SCMH1: variants seen among roughly 807,000 people sequenced by gnomAD.
The protein encoded by SCMH1 is polycomb protein SCMH1.
A neutral mutation model predicts 70.8 loss-of-function variants in SCMH1; 37 were observed. The ratio of observed to expected loss-of-function variants is 0.52; its 90% confidence interval spans 0.40 to 0.69. SCMH1 has a LOEUF of 0.69. Among genes scored for constraint, SCMH1 ranks in the 30% least tolerant of loss-of-function variants. The pLI is 0.00. For missense variants in SCMH1, 607 were observed against 827.3 expected (o/e 0.73, Z 3.27); for synonymous variants, 292 against 307.4 (o/e 0.95, Z 0.52).
intron 1 of SCMH1, among the ~76,000 whole-genome samples, chr1:41,204,166 T>C (rs1000726777): frequency 1.3e-5 from 2 of 152,202 alleles, no homozygotes; most frequent in African/African-American, 4.8e-5. Context: ...ATGGTGGAGC[T>C]GGGAATCAAA....
intron 1 of SCMH1, among the ~76,000 whole-genome samples, chr1:41,207,814 T>A (rs1430227751): frequency 6.6e-6 from 1 of 151,826 alleles, no homozygotes; most frequent in African/African-American, 2.4e-5. Context: ...AGGAACACTT[T>A]TACACTGTTG....
chr1:41,220,102 T>C (rs911353099), intron 1 of SCMH1, among the ~76,000 whole-genome samples: 1 of 152,208 alleles, frequency 6.6e-6, no homozygotes, highest in African/African-American at 2.4e-5. Context: ...TTTGAGCTGA[T>C]GAATGGTGAC....
chr1:41,104,661 A>G (rs545354897), intron 8 of SCMH1, among the ~76,000 whole-genome samples: 2 of 152,340 alleles, frequency 1.3e-5, no homozygotes, highest in South Asian at 4.1e-4. Context: ...CAACATGCTC[A>G]TATCTTTTCT....
intron 8 of SCMH1, among the ~76,000 whole-genome samples, chr1:41,108,689 C>G (rs1465207950): frequency 4.6e-5 from 7 of 152,170 alleles, no homozygotes; most frequent in Non-Finnish European, 1.0e-4. Context: ...AGGCAGCAGA[C>G]AGCTGGCACA....
At chr1:41,094,737 A>G (rs943190299) in intron 8 of SCMH1, among the ~76,000 whole-genome samples, 4 of 152,022 alleles carry the variant, frequency 2.6e-5, no homozygotes, top group African/African-American at 9.7e-5. Context: ...AAAAATACAA[A>G]AATTAGCCGG....
At chr1:41,160,416 T>C (rs1021909005) in intron 4 of SCMH1, among the ~76,000 whole-genome samples, 12 of 152,216 alleles carry the variant, frequency 7.9e-5, no homozygotes, top group African/African-American at 2.9e-4. Context: ...ACTTCTTACT[T>C]GATAATATTT....
At chr1:41,204,593 G>A (rs1222716467) in intron 1 of SCMH1, among the ~76,000 whole-genome samples, 1 of 152,136 alleles carries the variant, frequency 6.6e-6, no homozygotes, top group Non-Finnish European at 1.5e-5. Flanking sequence ...TCCCTGGAAT[G>A]TTCCACCTCA....
exon 13 of SCMH1, chr1:41,037,481 A>G: frequency 6.2e-7 from 1 of 1,614,242 alleles, no homozygotes; most frequent in Admixed American, 1.7e-5. Flanking sequence ...GGCAGAGTCC[A>G]TTGAGTCTGA....
At chr1:41,165,516 G>A (rs918706769) in intron 2 of SCMH1, among the ~76,000 whole-genome samples, 1 of 152,034 alleles carries the variant, frequency 6.6e-6, no homozygotes, top group African/African-American at 2.4e-5. Context: ...AGTGTATAAA[G>A]GTTCCTTTTT....
Position 41,124,735 on chromosome 1 carries a change from A to AG in SCMH1, c.413-7726dup, listed in dbSNP as rs1235720896. 2.6e-5 allele frequency among the ~76,000 whole-genome samples: 4 copies of AG among 151,978 alleles called. No individual in the cohort carries two copies. In the East Asian group the frequency reaches 7.8e-4, roughly 29 times the overall value. On this transcript the variant is annotated intron_variant, in intron 6 of 14. Coordinates refer to ENST00000337495, the Ensembl canonical transcript of SCMH1. The stretch of plus-strand genomic sequence containing the variant: ...TGATCCCCCTGAGCAACTAGGACTA[A>AG]GGGTGTGCACCACCACACCTGGCCA...
chr1:41,235,326 C>G (rs1052302816), intron 1 of SCMH1, among the ~76,000 whole-genome samples: 1 of 151,862 alleles, frequency 6.6e-6, no homozygotes, highest in Non-Finnish European at 1.5e-5. Context: ...TAAAAATATA[C>G]ATATATTTGG....
chr1:41,127,625 C>T (rs1321724143), intron 6 of SCMH1, among the ~76,000 whole-genome samples: 1 of 152,030 alleles, frequency 6.6e-6, no homozygotes, highest in East Asian at 1.9e-4. Context: ...GACTGAATCT[C>T]CATCCCCCAA....
At chr1:41,094,358 C>A (rs1021866229) in intron 8 of SCMH1, among the ~76,000 whole-genome samples, 11 of 152,006 alleles carry the variant, frequency 7.2e-5, no homozygotes, top group Non-Finnish European at 4.4e-5. Flanking sequence ...TGCTTTTATA[C>A]CAATCAATGC....
At chr1:41,057,348 C>T (rs1157215529) in intron 10 of SCMH1, among the ~76,000 whole-genome samples, 1 of 152,100 alleles carries the variant, frequency 6.6e-6, no homozygotes, top group African/African-American at 2.4e-5. Flanking sequence ...TCCCTGCAAC[C>T]TCCGCCTCCC....
At chr1:41,176,091 A>C (rs767430717) in intron 2 of SCMH1, among the ~76,000 whole-genome samples, 1 of 151,572 alleles carries the variant, frequency 6.6e-6, no homozygotes, top group Admixed American at 6.6e-5. Context: ...AAAGATCAAC[A>C]GTAAAACAAT....
chr1:41,103,761 G>C (rs1358608543), intron 8 of SCMH1, among the ~76,000 whole-genome samples: 2 of 152,190 alleles, frequency 1.3e-5, no homozygotes, highest in East Asian at 3.9e-4. Context: ...GTGAGGGCAA[G>C]AGAGAGAGCG....
At chr1:41,231,399 T>A (rs1661271978) in intron 1 of SCMH1, among the ~76,000 whole-genome samples, 1 of 152,198 alleles carries the variant, frequency 6.6e-6, no homozygotes, top group African/African-American at 2.4e-5. Context: ...TTTTTAAAAA[T>A]AAACTTTTTC....
At chr1:41,126,353 C>A (rs1441778095) in intron 6 of SCMH1, among the ~76,000 whole-genome samples, 2 of 152,010 alleles carry the variant, frequency 1.3e-5, no homozygotes, top group African/African-American at 4.8e-5. Flanking sequence ...TGTTTCTAAT[C>A]AATTTTAGGG....
chr1:41,159,971 T>A (rs1231943260), intron 4 of SCMH1: 7 of 490,758 alleles, frequency 1.4e-5, no homozygotes, highest in Non-Finnish European at 2.2e-5. Context: ...ATCCCCATTT[T>A]ACAAATAAGA....
Sources: allele counts gnomAD v4.1 joint callset (sites outside exome capture counted in the v4.1 genomes callset), GRCh38; gene constraint gnomAD v4.1.1; transcripts MANE v1.5; gene names NCBI Gene and HGNC (gene_info 2026-07-23, HGNC 2026-07-21).